The following FBXW11 variants were observed in gnomAD, a reference collection of about 807,000 sequenced individuals.
FBXW11 encodes F-box and WD repeat domain containing 11.
Under a neutral mutation model 77.6 loss-of-function variants are expected in FBXW11, and 19 were observed. The ratio of observed to expected loss-of-function variants is 0.24; its 90% confidence interval spans 0.17 to 0.36. The LOEUF is 0.36. FBXW11 is among the 10% of genes least tolerant of loss of function. The pLI is 1.00. For missense variants in FBXW11, 334 were observed against 704.2 expected (o/e 0.47, Z 5.95); for synonymous variants, 235 against 249.4 (o/e 0.94, Z 0.54).
At chr5:171,967,871 TATATATATATATACACACACAC>T (rs1345676990) in intron 1 of FBXW11, among the ~76,000 whole-genome samples, 15 of 110,878 alleles carry the variant, frequency 1.4e-4, no homozygotes, top group African/African-American at 4.0e-4. Flanking sequence ...TATATATATA[TATATATATATATACACACACAC>T]ACACACACAC....
intron 1 of FBXW11, among the ~76,000 whole-genome samples, chr5:172,001,760 G>T (rs1766427130): frequency 6.6e-6 from 1 of 152,186 alleles, no homozygotes; most frequent in Admixed American, 6.5e-5. Context: ...GTGTTTTATG[G>T]GTGGATAGGA....
At chr5:171,873,059 A>T in intron 9 of FBXW11, 69 bp from the exon 10 acceptor site, 1 of 1,269,852 alleles carries the variant, frequency 7.9e-7, no homozygotes, top group Non-Finnish European at 1.1e-6. Context: ...TACCTTTCTT[A>T]AAAAGACAGA....
At chr5:171,892,416 G>A (rs17670615) in intron 6 of FBXW11, among the ~76,000 whole-genome samples, 1,536 of 152,314 alleles carry the variant, frequency 0.01, 10 homozygotes, top group Non-Finnish European at 0.015. Flanking sequence ...ATCAGTAATC[G>A]GACTAGCTGG....
intron 2 of FBXW11, among the ~76,000 whole-genome samples, chr5:171,951,828 T>C (rs566411806): frequency 6.6e-6 from 1 of 152,172 alleles, no homozygotes; most frequent in African/African-American, 2.4e-5. Flanking sequence ...CATGAAACAG[T>C]GGTTTGTAAA....
intron 4 of FBXW11, among the ~76,000 whole-genome samples, chr5:171,902,374 A>G (rs1760184615): frequency 1.3e-5 from 2 of 152,192 alleles, no homozygotes; most frequent in Non-Finnish European, 2.9e-5. Context: ...GTTCATGTTC[A>G]TTATAGAAAA....
In FBXW11 at chr5:171,952,448, T is replaced by TATATATATATATATATATA. The variant is rs1491271340; in HGVS notation, c.147+5148_147+5149insTATATATATATATATATAT. 2.0e-3 allele frequency among the ~76,000 whole-genome samples: 22 copies of TATATATATATATATATATA among 10,866 alleles called. 1 individual carries two copies. Among genetic ancestry groups the TATATATATATATATATATA allele is most frequent in the Admixed American group, 4.3e-3 (3 of 698 alleles). The allele number at this position is 10,866 out of a possible 152,430, so 7.1% of individuals were successfully genotyped here. The stretch of plus-strand genomic sequence containing the variant: ...ATATATATATATATATATATATATA[T>TATATATATATATATATATA]TTTTTTTTTTTTTTTTTTTTTTGAG... On this transcript the variant is annotated intron_variant, in intron 2 of 13. Coordinates refer to ENST00000517395, the MANE Select transcript of FBXW11 (RefSeq NM_001378974.1).
chr5:172,000,476 G>A (rs1766347842), intron 1 of FBXW11, among the ~76,000 whole-genome samples: 1 of 152,180 alleles, frequency 6.6e-6, no homozygotes, highest in Non-Finnish European at 1.5e-5. Flanking sequence ...TATTGACTCT[G>A]CATGATTTCA....
chr5:171,876,580 A>C lies in FBXW11; in HGVS notation c.972-46T>G. ...ATGATGCTTAATTATGGAGACAGCC[A>C]GGAAATGATTCTGGTATCTGAGCTC... is the stretch of plus-strand genomic sequence containing the variant. On this transcript the variant is annotated intron_variant, in intron 8 of 13. Coordinates refer to ENST00000517395, the MANE Select transcript of FBXW11 (RefSeq NM_001378974.1). This position sits in a 1 kb window ranked among gnomAD's most constrained non-coding sequence, Gnocchi z 4.2. The C allele has an allele frequency of 6.3e-7, 1 of 1,598,634 alleles. No homozygotes were observed. Among genetic ancestry groups the C allele is most frequent in the Non-Finnish European group, 8.6e-7 (1 of 1,168,802 alleles).
intron 1 of FBXW11, among the ~76,000 whole-genome samples, chr5:171,971,617 C>T (rs923125018): frequency 7.4e-6 from 1 of 135,770 alleles, no homozygotes; most frequent in Non-Finnish European, 1.6e-5. Flanking sequence ...TACGTTTTTG[C>T]AGGCAGTGAG....
intron 1 of FBXW11, among the ~76,000 whole-genome samples, chr5:172,004,542 T>C (rs1581108202): frequency 6.6e-6 from 1 of 152,230 alleles, no homozygotes; most frequent in East Asian, 1.9e-4. Flanking sequence ...TGACTTGGGT[T>C]ACAACGTATT....
chr5:171,868,626 T>C lies in FBXW11; in HGVS notation c.*9A>G. On this transcript the variant is annotated 3_prime_UTR_variant, in exon 13 of 14. Transcript: ENST00000517395. ...AGTACTCACCTGAAACGGGTGAAAG[T>C]GCAGACTGTTATCTAGAGATGTAAG... The C allele has an allele frequency of 1.9e-6, 3 of 1,610,726 alleles. No homozygotes were observed. The highest frequency in any genetic ancestry group is 2.2e-5 in the East Asian group (1 of 44,842).
At chr5:171,901,884 G>T (rs534374079) in intron 4 of FBXW11, among the ~76,000 whole-genome samples, 3 of 152,268 alleles carry the variant, frequency 2.0e-5, no homozygotes, top group Non-Finnish European at 4.4e-5. Flanking sequence ...CCAGAAGAGT[G>T]GGTATTCCAC....
intron 13 of FBXW11, 77 bp downstream of exon 13, chr5:171,868,533 A>T: frequency 7.9e-7 from 1 of 1,263,744 alleles, no homozygotes; most frequent in South Asian, 1.4e-5. Context: ...ATCACCAAGG[A>T]ACCCAAATCA....
rs372720153 is a variant in FBXW11, at chr5:171,929,377, AT to A, written c.148-14973del. On this transcript the variant is annotated intron_variant, in intron 2 of 13. Coordinates refer to ENST00000517395, the MANE Select transcript of FBXW11 (RefSeq NM_001378974.1). Reference sequence around the variant, plus strand: ...AGAGTGAGACCTGTCTCAAAAAAAAATAATAATAAACCAATCAATAATTTAA... The same window carrying A: ...AGAGTGAGACCTGTCTCAAAAAAAAAAATAATAAACCAATCAATAATTTAA... 3.1e-4 allele frequency among the ~76,000 whole-genome samples: 47 copies of A among 152,102 alleles called. 1 individual carries two copies. In the South Asian group the frequency reaches 6.4e-3, roughly 21 times the overall value.
At chr5:171,934,061 T>C (rs187242795) in intron 2 of FBXW11, among the ~76,000 whole-genome samples, 11 of 152,348 alleles carry the variant, frequency 7.2e-5, no homozygotes, top group Admixed American at 5.2e-4. Context: ...ACATAGATAA[T>C]ACCATTCCTG....
chr5:171,959,581 C>T (rs1450151325), intron 1 of FBXW11, among the ~76,000 whole-genome samples: 4 of 152,012 alleles, frequency 2.6e-5, no homozygotes, highest in African/African-American at 9.7e-5. Context: ...GGAATGGTGG[C>T]TCACACCTAT....
At chr5:171,981,703 T>C (rs1466466303) in intron 1 of FBXW11, among the ~76,000 whole-genome samples, 1 of 152,220 alleles carries the variant, frequency 6.6e-6, no homozygotes, top group Non-Finnish European at 1.5e-5. Context: ...CTACTAAGTA[T>C]ACCCAAGAGA....
At chr5:171,888,668 T>A (rs1759082380) in intron 7 of FBXW11, among the ~76,000 whole-genome samples, 1 of 152,156 alleles carries the variant, frequency 6.6e-6, no homozygotes, top group Non-Finnish European at 1.5e-5. Context: ...TTAAATTACC[T>A]GGCATACAAA....
At chr5:171,968,270 CA>C (rs2113398855) in intron 1 of FBXW11, among the ~76,000 whole-genome samples, 1 of 152,030 alleles carries the variant, frequency 6.6e-6, no homozygotes, top group South Asian at 2.1e-4. Flanking sequence ...TCCCGGCTAA[CA>C]CGGTGAAACC....
Sources: allele counts gnomAD v4.1 joint callset (sites outside exome capture counted in the v4.1 genomes callset), GRCh38; gene constraint gnomAD v4.1.1; non-coding constraint Gnocchi (gnomAD v3.1); transcripts MANE v1.5; gene names NCBI Gene and HGNC (gene_info 2026-07-23, HGNC 2026-07-21).